The following SUDS3 variants were observed in gnomAD, a reference collection of about 807,000 sequenced individuals.
SUDS3 encodes the protein sin3 histone deacetylase corepressor complex component SDS3.
A neutral mutation model predicts 53.5 loss-of-function variants in SUDS3; 23 were observed. The ratio of observed to expected loss-of-function variants is 0.43; its 90% CI spans 0.31 to 0.61. The LOEUF (loss-of-function observed/expected upper bound fraction) is 0.61. Ranked by LOEUF, SUDS3 falls within the 20% of genes least tolerant of loss-of-function variation. The pLI is 0.10. For missense variants in SUDS3, 291 were observed against 405.9 expected (o/e 0.72, Z 2.43); for synonymous variants, 150 against 148.5 (o/e 1.01, Z -0.08).
Position 118,411,115 on chromosome 12 carries a change from C to T in SUDS3, c.846C>T (p.Asn282=). The change falls in exon 11 of 12, where the codon AAC becomes AAT. Residue 282 remains asparagine, a synonymous_variant. Coordinates refer to ENST00000543473, the MANE Select transcript of SUDS3 (RefSeq NM_022491.3). ...SQAIYLESKD[N]QKLSCVISSV... is the part of the protein sequence containing the mutation. ...CCATCTATCTGGAGTCAAAGGACAA[C>T]CAGAAACTGAGCTGCGTGATCAGTT... is the stretch of plus-strand genomic sequence containing the variant. 1 of 1,605,056 alleles carries T rather than the reference C, an allele frequency of 6.2e-7. No homozygotes were observed. Among genetic ancestry groups the T allele is most frequent in the Non-Finnish European group, 8.5e-7 (1 of 1,175,908 alleles).
At chr12:118,379,984 T>C (rs1199948169) in intron 1 of SUDS3, among the ~76,000 whole-genome samples, 178 bp from the exon 2 acceptor site, 1 of 152,222 alleles carries the variant, frequency 6.6e-6, no homozygotes, top group African/African-American at 2.4e-5. Context: ...GGTTTCGTGT[T>C]TGCAGATAGG....
chr12:118,409,271 C>T (rs1208109270), intron 10 of SUDS3, among the ~76,000 whole-genome samples: 1 of 151,940 alleles, frequency 6.6e-6, no homozygotes. Context: ...CTCAGCCTCC[C>T]GAGTAGCTGG....
intron 2 of SUDS3, among the ~76,000 whole-genome samples, chr12:118,381,656 GGATTACAGGCGTGA>G (rs2141360493): frequency 6.6e-6 from 1 of 152,246 alleles, no homozygotes; most frequent in East Asian, 1.9e-4. Context: ...CAAAGTGCTG[GGATTACAGGCGTGA>G]GCGACCCTGC....
intron 3 of SUDS3, among the ~76,000 whole-genome samples, chr12:118,384,803 G>A (rs2141364018): frequency 6.6e-6 from 1 of 151,300 alleles, no homozygotes; most frequent in East Asian, 2.0e-4. Flanking sequence ...CTGCACTCCA[G>A]CATGGGCGAC....
chr12:118,376,838 G>T lies in SUDS3; in HGVS notation c.142+5G>T. 1 of 1,529,412 alleles carries T rather than the reference G, an allele frequency of 6.5e-7. No individual in the cohort carries two copies. The allele number at this position is 1,529,412 out of a possible 1,614,324, so 94.7% of individuals were successfully genotyped here. On this transcript the variant is annotated splice_donor_5th_base_variant and intron_variant, in intron 1 of 11. Coordinates refer to ENST00000543473, the MANE Select transcript of SUDS3 (RefSeq NM_022491.3). ...GGGGCCGCGAGTCGGACGAAGGTGA[G>T]TCCTGCCGCTCGCCCGGCCGCCCGG...
At chr12:118,383,617 A>G (rs2046087412) in intron 2 of SUDS3, among the ~76,000 whole-genome samples, 1 of 152,106 alleles carries the variant, frequency 6.6e-6, no homozygotes, top group African/African-American at 2.4e-5. Context: ...GCATAATCTT[A>G]CTCTCCTGTA....
At chr12:118,381,192 ATTTATT>A (rs2083352494) in intron 2 of SUDS3, among the ~76,000 whole-genome samples, 1 of 150,250 alleles carries the variant, frequency 6.7e-6, no homozygotes, top group South Asian at 2.1e-4. Context: ...TTATTTATTT[ATTTATT>A]TTTATTTGTT....
In SUDS3 at chr12:118,389,928, A is replaced by T; in HGVS notation, c.342A>T (p.Glu114Asp). The T allele has an allele frequency of 1.2e-6, 2 of 1,613,936 alleles. No homozygotes were observed. The highest frequency in any genetic ancestry group is 2.2e-5 in the East Asian group (1 of 44,878). ...QQYKERIRNA[E>D]LFLQLETEQV... is the part of the protein sequence containing the mutation. ...AATTGCACTTTTTATCTCTTGCAGA[A>T]CTCTTCCTCCAGCTGGAAGTAAGTA... is the stretch of plus-strand genomic sequence containing the variant. The change falls in exon 5 of 12, where the codon GAA becomes GAT. Residue 114 changes from glutamate to aspartate, a missense_variant and splice_region_variant. This residue lies in a region of SUDS3 where 149 missense variants were observed against 146.5 expected (regional missense o/e 1.02). Coordinates refer to ENST00000543473, the MANE Select transcript of SUDS3 (RefSeq NM_022491.3).
In SUDS3 at chr12:118,414,379, C is replaced by T; in HGVS notation, c.933C>T (p.Tyr311=). ...GTGACAGCACCAAGATGAGGATCTA[C>T]CTGGGCCAGCTTCAGCGCGGGCTCT... is the stretch of plus-strand genomic sequence containing the variant. The part of the protein sequence containing the change: ...KTSDSTKMRI[Y]LGQLQRGLFV... The change falls in exon 12 of 12, where the codon TAC becomes TAT. Residue 311 remains tyrosine (Y), a synonymous_variant. Coordinates refer to ENST00000543473, the MANE Select transcript of SUDS3 (RefSeq NM_022491.3). The T allele has an allele frequency of 2.5e-6, 4 of 1,606,660 alleles. No homozygotes were observed. The highest frequency in any genetic ancestry group is 3.4e-6 in the Non-Finnish European group (4 of 1,176,730).
intron 1 of SUDS3, 48 bp downstream of exon 1, chr12:118,376,881 T>A: frequency 2.7e-6 from 1 of 375,530 alleles, no homozygotes; most frequent in Non-Finnish European, 3.6e-6. Context: ...GTGGGACCGC[T>A]GGGGGAGGGG....
At chr12:118,389,869 A>T in intron 4 of SUDS3, 58 bp from the exon 5 acceptor site, 1 of 1,603,972 alleles carries the variant, frequency 6.2e-7, no homozygotes, top group Non-Finnish European at 8.5e-7. Context: ...TGCTAACATC[A>T]CTGTCTAGAA....
Position 118,417,652 on chromosome 12 carries a change from T to A in SUDS3, c.*3219T>A, listed in dbSNP as rs1431597618. 1 of 151,270 alleles carries A rather than the reference T, an allele frequency of 6.6e-6. No homozygotes were observed. The highest frequency in any genetic ancestry group is 1.5e-5 in the Non-Finnish European group (1 of 67,924). The allele number at this position is 151,270 out of a possible 1,614,324, so 9.4% of individuals were successfully genotyped here. On this transcript the variant is annotated 3_prime_UTR_variant, in exon 12 of 12. Coordinates refer to ENST00000543473, the MANE Select transcript of SUDS3 (RefSeq NM_022491.3). ...GGGTACCATTAAATATTCTGAGAGG[T>A]GAATGTAAAATATAAAAGGTATAGG...
At chr12:118,383,474 C>G (rs1305606693) in intron 2 of SUDS3, among the ~76,000 whole-genome samples, 1 of 152,170 alleles carries the variant, frequency 6.6e-6, no homozygotes, top group African/African-American at 2.4e-5. Context: ...TAAATGCTGC[C>G]TTTTAACTTT....
At chr12:118,382,373 TTTTTTTGAGACAGTATC>T (rs2046074208) in intron 2 of SUDS3, among the ~76,000 whole-genome samples, 8 of 151,552 alleles carry the variant, frequency 5.3e-5, no homozygotes, top group African/African-American at 1.9e-4. Flanking sequence ...AGTAGCCACT[TTTTTTTGAGACAGTATC>T]TTGTTTTGTT....
At chr12:118,392,168 C>T (rs1475627065) in intron 6 of SUDS3, among the ~76,000 whole-genome samples, 4 of 152,198 alleles carry the variant, frequency 2.6e-5, no homozygotes, top group Admixed American at 2.0e-4. Context: ...CTGTACATCC[C>T]CAAATTTAAC....
intron 3 of SUDS3, among the ~76,000 whole-genome samples, chr12:118,384,813 C>G (rs1183798665): frequency 3.4e-5 from 5 of 146,738 alleles, no homozygotes; most frequent in African/African-American, 1.3e-4. Context: ...GCATGGGCGA[C>G]AAAGCGAGAC....
chr12:118,378,401 C>CT (rs758640851), intron 1 of SUDS3, among the ~76,000 whole-genome samples: 6 of 150,762 alleles, frequency 4.0e-5, no homozygotes, highest in Admixed American at 6.6e-5. Flanking sequence ...CATGTGCAGA[C>CT]TTTTTTTTTG....
chr12:118,401,667 C>T (rs2046263682), intron 7 of SUDS3, 92 bp from the exon 8 acceptor site: 4 of 1,085,182 alleles, frequency 3.7e-6, no homozygotes, highest in Non-Finnish European at 5.6e-6. Flanking sequence ...CAAAATCATA[C>T]TTTGTAAATT....
At chr12:118,412,531 AG>A (rs2046367939) in intron 11 of SUDS3, among the ~76,000 whole-genome samples, 1 of 152,140 alleles carries the variant, frequency 6.6e-6, no homozygotes, top group African/African-American at 2.4e-5. Context: ...GATCCGTGTG[AG>A]TCCCCTCAAG....
Sources: allele counts gnomAD v4.1 joint callset (sites outside exome capture counted in the v4.1 genomes callset), GRCh38; gene constraint gnomAD v4.1.1; regional missense constraint gnomAD v4.1.1; transcripts MANE v1.5; gene names NCBI Gene and HGNC (gene_info 2026-07-23, HGNC 2026-07-21).